DLGAP2: variants seen among roughly 807,000 people sequenced by gnomAD.
The protein encoded by DLGAP2 is DLG associated protein 2, also known as disks large-associated protein 2.
DLGAP2 carries 26 observed loss-of-function variants against 100.3 expected under a neutral mutation model. That is an observed-to-expected ratio of 0.26 (90% confidence interval 0.19 to 0.36). The LOEUF is 0.36. Among genes scored for constraint, DLGAP2 ranks in the 10% least tolerant of loss-of-function variants. The pLI, the probability that DLGAP2 is intolerant of heterozygous loss-of-function variation, is 1.00. For missense variants in DLGAP2, 1,858 were observed against 1,453.2 expected (o/e 1.28, Z -4.53); for synonymous variants, 886 against 630.1 (o/e 1.41, Z -6.08).
At chr8:1,391,936 G>A (rs895933576) in intron 3 of DLGAP2, among the ~76,000 whole-genome samples, 22 of 152,360 alleles carry the variant, frequency 1.4e-4, no homozygotes, top group Non-Finnish European at 1.5e-4. Context: ...AGCCGTCGGT[G>A]TCTGTGACAA....
chr8:1,598,365 G>A (rs564912839), intron 6 of DLGAP2, among the ~76,000 whole-genome samples: 1 of 152,270 alleles, frequency 6.6e-6, no homozygotes, highest in East Asian at 1.9e-4. Flanking sequence ...GTATCAGGAT[G>A]ATGCTGGCCT....
chr8:1,064,867 C>G (rs992330143), intron 2 of DLGAP2, among the ~76,000 whole-genome samples: 1 of 152,180 alleles, frequency 6.6e-6, no homozygotes, highest in Non-Finnish European at 1.5e-5. Context: ...CACACCTGGC[C>G]CCTGCACACA....
intron 3 of DLGAP2, among the ~76,000 whole-genome samples, chr8:1,354,067 G>T: frequency 6.6e-6 from 1 of 152,142 alleles, no homozygotes; most frequent in East Asian, 1.9e-4. Context: ...CTTCAGGGGG[G>T]CAATGTTGTA....
chr8:843,113 C>T (rs1797012476), intron 1 of DLGAP2, among the ~76,000 whole-genome samples: 1 of 152,142 alleles, frequency 6.6e-6, no homozygotes, highest in Non-Finnish European at 1.5e-5. Context: ...TTGATTTGAC[C>T]AGGATGATAG....
intron 2 of DLGAP2, among the ~76,000 whole-genome samples, chr8:1,080,655 T>G (rs1803777015): frequency 6.6e-6 from 1 of 152,222 alleles, no homozygotes; most frequent in Admixed American, 6.5e-5. Flanking sequence ...CTGTCCTTCG[T>G]GCTGAACGCA....
At chr8:1,557,252 C>T (rs1384122337) in intron 5 of DLGAP2, among the ~76,000 whole-genome samples, 2 of 152,148 alleles carry the variant, frequency 1.3e-5, no homozygotes, top group Non-Finnish European at 2.9e-5. Flanking sequence ...ACAAGACAGA[C>T]GCGTGGAACC....
At chr8:1,173,940 A>T (rs944795737) in intron 2 of DLGAP2, among the ~76,000 whole-genome samples, 6 of 152,154 alleles carry the variant, frequency 3.9e-5, no homozygotes, top group African/African-American at 1.4e-4. Flanking sequence ...GGTACCTCAG[A>T]TGGAAATGCA....
intron 2 of DLGAP2, among the ~76,000 whole-genome samples, chr8:1,096,164 C>T (rs930529247): frequency 2.0e-5 from 3 of 152,330 alleles, no homozygotes; most frequent in Admixed American, 1.3e-4. Flanking sequence ...GACCTGTTTT[C>T]ATGCTGTTCA....
At position 1,632,985 on chromosome 8, in the gene DLGAP2, T is replaced by C. The variant is rs1165693702; in HGVS notation, c.1749T>C (p.Asp583=). 3 of 1,613,962 alleles carry C rather than the reference T, an allele frequency of 1.9e-6. No homozygotes were observed. In the Admixed American group the frequency reaches 5.0e-5, roughly 27 times the overall value. Residue 583 remains aspartate (D), a synonymous_variant, in exon 8 of 15, where the codon GAT becomes GAC. Transcript: ENST00000637795. ...LRAIQAGYSQ[D]DECIPMMTPS... ...CCATTCAAGCCGGCTACTCCCAAGA[T>C]GACGAATGTATTCCCATGATGACAC...
At chr8:1,190,102 C>G (rs1276558254) in intron 2 of DLGAP2, among the ~76,000 whole-genome samples, 3 of 152,178 alleles carry the variant, frequency 2.0e-5, no homozygotes, top group African/African-American at 7.2e-5. Flanking sequence ...CCTCTGGACT[C>G]TTACTGCTAA....
intron 1 of DLGAP2, among the ~76,000 whole-genome samples, chr8:770,892 G>A (rs969352362): frequency 1.3e-5 from 2 of 150,188 alleles, no homozygotes; most frequent in Non-Finnish European, 3.0e-5. Flanking sequence ...TTTTAAAGTA[G>A]AAGGACTCTT....
intron 1 of DLGAP2, among the ~76,000 whole-genome samples, chr8:873,649 A>T (rs1348244764): frequency 6.6e-6 from 1 of 152,140 alleles, no homozygotes; most frequent in South Asian, 2.1e-4. Context: ...CTTATGATGT[A>T]TTTGCCTGGC....
intron 3 of DLGAP2, among the ~76,000 whole-genome samples, chr8:1,447,722 T>G (rs1006402145): frequency 1.3e-5 from 2 of 152,190 alleles, no homozygotes; most frequent in East Asian, 1.9e-4. Context: ...GTCCTGGACT[T>G]TTTTTGGTTG....
chr8:874,078 A>G (rs1353498523), intron 1 of DLGAP2, among the ~76,000 whole-genome samples: 1 of 152,140 alleles, frequency 6.6e-6, no homozygotes, highest in Non-Finnish European at 1.5e-5. Context: ...ATCTGATTCT[A>G]TTAAACTGAG....
chr8:1,100,815 C>G (rs1396977722), intron 2 of DLGAP2, among the ~76,000 whole-genome samples: 2 of 152,186 alleles, frequency 1.3e-5, no homozygotes, highest in South Asian at 2.1e-4. Flanking sequence ...TAGAAATAGA[C>G]TAACCTTGAA....
chr8:1,137,702 C>G (rs1394410016), intron 2 of DLGAP2: 2 of 152,188 alleles, frequency 1.3e-5, no homozygotes, highest in Admixed American at 1.3e-4. Context: ...CTTGCTCTTT[C>G]TACTATATAA....
At chr8:1,501,019 G>C (rs552674935) in intron 3 of DLGAP2, among the ~76,000 whole-genome samples, 2 of 152,268 alleles carry the variant, frequency 1.3e-5, no homozygotes, top group Non-Finnish European at 1.5e-5. Flanking sequence ...GGGAAAATTA[G>C]AGTGGACTGA....
intron 3 of DLGAP2, among the ~76,000 whole-genome samples, chr8:1,481,471 C>CTTTTTTTTTTTTTTTTTTTTTTTTTTT (rs1165790168): frequency 4.6e-5 from 2 of 43,668 alleles, no homozygotes; most frequent in African/African-American, 6.9e-5. Context: ...TTTTCTTTTT[C>CTTTTTTTTTTTTTTTTTTTTTTTTTTT]TTTTTTTTTT....
At position 1,254,982 on chromosome 8, in the gene DLGAP2, CTG is replaced by C. The variant is rs749117315; in HGVS notation, c.74-3859_74-3858del. ...TGTGTCCTCTCATCCTGTCCGGGTG[CTG>C]TGTGTGTGTCCTCTCATCCTGCTTG... On this transcript the variant is annotated intron_variant, in intron 2 of 14. Coordinates refer to ENST00000637795, the MANE Select transcript of DLGAP2 (RefSeq NM_001346810.2). Among the ~76,000 whole-genome samples the C allele has an allele frequency of 3.1e-4, 39 of 127,228 alleles. 2 individuals are homozygous for C. Among genetic ancestry groups the C allele is most frequent in the African/African-American group, 1.1e-3 (32 of 29,646 alleles). 83.5% of individuals were successfully genotyped at this position (127,228 alleles called of 152,430 possible).
Sources: allele counts gnomAD v4.1 joint callset (sites outside exome capture counted in the v4.1 genomes callset), GRCh38; gene constraint gnomAD v4.1.1; transcripts MANE v1.5; gene names NCBI Gene and HGNC (gene_info 2026-07-23, HGNC 2026-07-21).